The following PAK2 variants were observed in gnomAD, a reference collection of about 807,000 sequenced individuals.
PAK2 encodes the protein p21 (RAC1) activated kinase 2, also known as serine/threonine-protein kinase PAK 2.
A neutral mutation model predicts 65.9 loss-of-function variants in PAK2; 21 were observed. The observed-to-expected ratio is 0.32, with a 90% confidence interval of 0.23 to 0.46. The LOEUF is 0.46. Among genes scored for constraint, PAK2 ranks in the 20% least tolerant of loss-of-function variants. The pLI, the probability that PAK2 is intolerant of heterozygous loss-of-function variation, is 1.00. For missense variants in PAK2, 324 were observed against 642.6 expected (o/e 0.50, Z 5.36); for synonymous variants, 204 against 219.7 (o/e 0.93, Z 0.63).
chr3:196,746,872 C>T (rs1713401659), intron 1 of PAK2, among the ~76,000 whole-genome samples: 1 of 148,774 alleles, frequency 6.7e-6, no homozygotes. Flanking sequence ...ACTTCTATAA[C>T]CTATTCAGGA....
intron 8 of PAK2, among the ~76,000 whole-genome samples, chr3:196,811,540 C>T (rs922236121): frequency 2.0e-5 from 3 of 150,370 alleles, no homozygotes; most frequent in Non-Finnish European, 4.4e-5. Context: ...AGCCACTGCA[C>T]CAGGCCTGAA....
At position 196,818,866 on chromosome 3, in the gene PAK2, C is replaced by T. The variant is rs535150626; in HGVS notation, c.1153+710C>T. ...GGGAATAATTGTAATAATAAATGTA[C>T]CTTTCTCATAGGGTTACCATGCGGA... On this transcript the variant is annotated intron_variant, in intron 12 of 14. Coordinates refer to ENST00000327134, the MANE Select transcript of PAK2 (RefSeq NM_002577.4). 2.0e-4 allele frequency among the ~76,000 whole-genome samples: 30 copies of T among 151,832 alleles called. No homozygotes were observed. The South Asian group carries it at 6.2e-3, about 32-fold the overall frequency.
chr3:196,796,309 A>G (rs1343750735), intron 2 of PAK2, among the ~76,000 whole-genome samples: 2 of 152,240 alleles, frequency 1.3e-5, no homozygotes, highest in Non-Finnish European at 2.9e-5. Context: ...AAAAACATTA[A>G]GTAACAAAAG....
At chr3:196,747,421 T>C (rs1176218851) in intron 1 of PAK2, 1 of 152,220 alleles carries the variant, frequency 6.6e-6, no homozygotes, top group Admixed American at 6.5e-5. Context: ...ACATGGACAA[T>C]GTTCTTCTGC....
At chr3:196,823,496 C>G (rs1711720368) in intron 13 of PAK2, among the ~76,000 whole-genome samples, 1 of 151,970 alleles carries the variant, frequency 6.6e-6, no homozygotes, top group African/African-American at 2.4e-5. Flanking sequence ...CAAAGATGGG[C>G]TGATCATCTG....
At chr3:196,815,800 GAA>G (rs1716007838) in intron 11 of PAK2, among the ~76,000 whole-genome samples, 1 of 151,582 alleles carries the variant, frequency 6.6e-6, no homozygotes, top group South Asian at 2.1e-4. Flanking sequence ...AAAAAAAAGA[GAA>G]AGAAATACGC....
intron 1 of PAK2, among the ~76,000 whole-genome samples, chr3:196,742,663 C>G (rs949358091): frequency 1.3e-5 from 2 of 152,046 alleles, no homozygotes; most frequent in Admixed American, 1.3e-4. Flanking sequence ...GCCTGTAATC[C>G]CAGCACTTTG....
At chr3:196,755,850 G>T (rs1360857311) in intron 1 of PAK2, among the ~76,000 whole-genome samples, 1 of 152,012 alleles carries the variant, frequency 6.6e-6, no homozygotes. Flanking sequence ...CCGCCTCCTG[G>T]GTTCAGGCGA....
intron 11 of PAK2, among the ~76,000 whole-genome samples, chr3:196,815,438 G>A (rs1715984227): frequency 6.7e-6 from 1 of 150,046 alleles, no homozygotes; most frequent in Non-Finnish European, 1.5e-5. Flanking sequence ...ATTGCAGTGA[G>A]CCAAAATTGC....
At chr3:196,802,500 C>T (rs750733319) in intron 3 of PAK2, among the ~76,000 whole-genome samples, 5 of 152,020 alleles carry the variant, frequency 3.3e-5, no homozygotes, top group Non-Finnish European at 7.4e-5. Context: ...ATATCGTTTT[C>T]CTAGAGAGCA....
chr3:196,816,021 T>G (rs1391700052), intron 11 of PAK2, among the ~76,000 whole-genome samples: 2 of 152,202 alleles, frequency 1.3e-5, no homozygotes, highest in East Asian at 1.9e-4. Flanking sequence ...AAAATAAGCC[T>G]TCTTTTTTCC....
chr3:196,791,458 A>G lies in PAK2; in HGVS notation c.187+8625A>G, dbSNP rs1715066115. On this transcript the variant is annotated intron_variant, in intron 2 of 14. Transcript: ENST00000327134. This position sits in a 1 kb window ranked among gnomAD's most constrained non-coding sequence, Gnocchi z 4.0. ...TACTCCTATCATATATGAAACTTTAATATATTTCTCTAAACTCTTAACGTT... is the reference window on the plus strand; with the variant it reads ...TACTCCTATCATATATGAAACTTTAGTATATTTCTCTAAACTCTTAACGTT... 6.6e-6 allele frequency among the ~76,000 whole-genome samples: 1 copy of G among 152,074 alleles called. No individual in the cohort carries two copies. The highest frequency in any genetic ancestry group is 1.5e-5 in the Non-Finnish European group (1 of 68,028).
chr3:196,751,663 T>TTTTATATATATATATATATG (rs1491521540), intron 1 of PAK2, among the ~76,000 whole-genome samples: 1 of 45,748 alleles, frequency 2.2e-5, no homozygotes, highest in African/African-American at 1.1e-4. Context: ...ACACACAAAT[T>TTTTATATATATATATATATG]TATTTATATA....
rs1715635098 is a variant in PAK2 at position 196,807,830 on chromosome 3, T to C, written c.625T>C (p.Ser209Pro). The change falls in exon 7 of 15, where the codon TCA (serine) becomes CCA (proline). Residue 209 changes from serine to proline, a missense_variant. Transcript: ENST00000327134. ...CCCTGTTCCTGCACCAGTTGGTGAT[T>C]CACATGTTGATGGTGCTGCCAAGTC... The part of the protein sequence containing the change: ...IDPVPAPVGD[S>P]HVDGAAKSLD... 2 of 1,613,012 alleles carry C rather than the reference T, an allele frequency of 1.2e-6. No homozygotes were observed. The highest frequency in any genetic ancestry group is 1.7e-6 in the Non-Finnish European group (2 of 1,179,398).
chr3:196,752,456 A>AT (rs1171713100), intron 1 of PAK2, among the ~76,000 whole-genome samples: 1 of 152,244 alleles, frequency 6.6e-6, no homozygotes, highest in Admixed American at 6.5e-5. Flanking sequence ...AGATTATAAG[A>AT]TTTTTTTCTC....
intron 5 of PAK2, among the ~76,000 whole-genome samples, chr3:196,805,751 G>T (rs1198426386): frequency 6.6e-6 from 1 of 152,016 alleles, no homozygotes; most frequent in Non-Finnish European, 1.5e-5. Context: ...CTGAACAGTT[G>T]AACCTTGTCA....
At chr3:196,756,650 A>G (rs1178404996) in intron 1 of PAK2, among the ~76,000 whole-genome samples, 2 of 152,134 alleles carry the variant, frequency 1.3e-5, no homozygotes, top group Non-Finnish European at 2.9e-5. Flanking sequence ...AGCCTGCCCA[A>G]TATGGTGAAA....
At chr3:196,757,229 A>G (rs1234457067) in intron 1 of PAK2, among the ~76,000 whole-genome samples, 1 of 152,200 alleles carries the variant, frequency 6.6e-6, no homozygotes, top group African/African-American at 2.4e-5. Context: ...AAAGCAGGTG[A>G]CTGGGATGAG....
intron 1 of PAK2, among the ~76,000 whole-genome samples, chr3:196,760,716 C>G (rs1713931356): frequency 6.6e-6 from 1 of 152,146 alleles, no homozygotes; most frequent in Admixed American, 6.5e-5. Context: ...TTGTGCTTTG[C>G]TGGTGAAGAT....
Sources: allele counts gnomAD v4.1 joint callset (sites outside exome capture counted in the v4.1 genomes callset), GRCh38; gene constraint gnomAD v4.1.1; non-coding constraint Gnocchi (gnomAD v3.1); transcripts MANE v1.5; gene names NCBI Gene and HGNC (gene_info 2026-07-23, HGNC 2026-07-21).